The following FRMPD4 variants were observed in gnomAD, a reference collection of about 807,000 sequenced individuals.
FRMPD4 encodes the protein FERM and PDZ domain-containing protein 4.
Under a neutral mutation model 94.1 loss-of-function variants are expected in FRMPD4, and 22 were observed. The ratio of observed to expected loss-of-function variants is 0.23; its 90% CI spans 0.17 to 0.33. The LOEUF (loss-of-function observed/expected upper bound fraction) is 0.33, where lower values mean the gene tolerates loss of function less well. FRMPD4 is among the 10% of genes least tolerant of loss of function. The pLI is 1.00. For missense variants in FRMPD4, 1,111 were observed against 1,339.9 expected (o/e 0.83, Z 2.67); for synonymous variants, 631 against 548.6 (o/e 1.15, Z -2.10).
rs201869535 is a variant in FRMPD4 at position 12,707,579 on chromosome X, C to T, written c.1398C>T (p.His466=). 4.8e-4 allele frequency: 577 copies of T among 1,209,373 alleles called. No homozygotes were observed. Among genetic ancestry groups the T allele is most frequent in the Non-Finnish European group, 6.1e-4 (547 of 894,197 alleles). ...TGGCTCTTTTAGCCGACTTTAGCCA[C>T]GTCAACAGGATCGAAATGTTTTCCG... is the stretch of plus-strand genomic sequence containing the variant. ...NLVALLADFS[H]VNRIEMFSEE... is the part of the protein sequence containing the mutation. Residue 466 remains histidine (H), a synonymous_variant, in exon 13 of 17, where the codon CAC becomes CAT. Coordinates refer to ENST00000675598, the MANE Select transcript of FRMPD4 (RefSeq NM_001368397.1).
intron 2 of FRMPD4, among the ~76,000 whole-genome samples, chrX:12,534,774 T>G (rs1569320367): frequency 8.9e-6 from 1 of 112,674 alleles, no homozygotes; most frequent in Admixed American, 9.3e-5. Flanking sequence ...ACCTAGGAAG[T>G]AACTAACTTC....
chrX:12,437,356 A>G (rs2148116091), intron 1 of FRMPD4, among the ~76,000 whole-genome samples: 1 of 110,982 alleles, frequency 9.0e-6, no homozygotes. Context: ...ACACACACAC[A>G]CTTTTTCCAG....
chrX:12,292,444 C>T (rs1248612088), intron 1 of FRMPD4, among the ~76,000 whole-genome samples: 1 of 110,799 alleles, frequency 9.0e-6, no homozygotes, highest in African/African-American at 3.3e-5. Context: ...GAATTCAGTG[C>T]CTCACCCTTA....
chrX:12,489,456 T>C (rs1157739161), intron 1 of FRMPD4, among the ~76,000 whole-genome samples: 1 of 112,427 alleles, frequency 8.9e-6, no homozygotes, highest in Admixed American at 9.4e-5. Context: ...TGAGTAGCAG[T>C]ATTAGGTTAT....
intron 1 of FRMPD4, among the ~76,000 whole-genome samples, chrX:12,399,763 G>A (rs1298770597): frequency 2.7e-5 from 3 of 111,759 alleles, no homozygotes; most frequent in Admixed American, 9.5e-5. Flanking sequence ...TGGTCTGGCT[G>A]TCTCAGGGGT....
intron 3 of FRMPD4, among the ~76,000 whole-genome samples, chrX:11,930,530 G>A (rs1282527700): frequency 9.0e-6 from 1 of 111,351 alleles, no homozygotes; most frequent in Non-Finnish European, 1.9e-5. Flanking sequence ...CAAGCTGAAA[G>A]AGGCAAGGAA....
chrX:12,677,406 G>GA (rs1213030647), intron 5 of FRMPD4, among the ~76,000 whole-genome samples: 4 of 109,491 alleles, frequency 3.7e-5, no homozygotes, highest in African/African-American at 6.7e-5. Context: ...GAGCAGATGG[G>GA]AAAAAACAAG....
At chrX:12,282,300 G>A (rs2054537949) in intron 1 of FRMPD4, among the ~76,000 whole-genome samples, 1 of 112,184 alleles carries the variant, frequency 8.9e-6, no homozygotes, top group East Asian at 2.8e-4. Flanking sequence ...AGGGCAGGGA[G>A]CCAGCCCCAG....
At chrX:11,978,000 A>G (rs1025421262) in intron 3 of FRMPD4, among the ~76,000 whole-genome samples, 2 of 109,690 alleles carry the variant, frequency 1.8e-5, no homozygotes, top group Non-Finnish European at 3.8e-5. Flanking sequence ...ACTTCCCATC[A>G]TGGCCTGAAC....
At chrX:12,340,772 C>T (rs1159519497) in intron 1 of FRMPD4, among the ~76,000 whole-genome samples, 1 of 111,952 alleles carries the variant, frequency 8.9e-6, no homozygotes, top group Non-Finnish European at 1.9e-5. Context: ...TCCAAACTTT[C>T]CTTACCTTTG....
intron 1 of FRMPD4, among the ~76,000 whole-genome samples, chrX:11,825,231 TG>T (rs2053435738): frequency 2.9e-5 from 3 of 105,034 alleles, no homozygotes; most frequent in African/African-American, 1.1e-4. Context: ...TGTGTGTGTG[TG>T]TGTGTGGTCT....
chrX:12,189,904 T>G (rs1405662718), intron 1 of FRMPD4, among the ~76,000 whole-genome samples: 2 of 111,376 alleles, frequency 1.8e-5, no homozygotes, highest in African/African-American at 6.5e-5. Context: ...AGAAAAGGTA[T>G]ACAAATTGGG....
intron 1 of FRMPD4, among the ~76,000 whole-genome samples, chrX:12,208,465 GA>G (rs202094769): frequency 0.18 from 18,834 of 103,392 alleles, 1,536 homozygotes; most frequent in East Asian, 0.48. Context: ...ACTGCACCCT[GA>G]AAAAAAAAAA....
In FRMPD4 at chrX:12,262,690, A is replaced by C. The variant is rs762572693; in HGVS notation, c.41+123678A>C. Among the ~76,000 whole-genome samples, 7 of 112,012 alleles carry C rather than the reference A, an allele frequency of 6.2e-5. No homozygotes were observed. The South Asian group carries it at 1.9e-3, about 30-fold the overall frequency. On this transcript the variant is annotated intron_variant, in intron 1 of 16. Coordinates refer to ENST00000675598, the MANE Select transcript of FRMPD4 (RefSeq NM_001368397.1). Reference sequence around the variant, plus strand: ...ATTGTTGATGGTACCGATAGAAACCAGTGGGCTTCAAATTGCAGCTATGTC... The same window carrying C: ...ATTGTTGATGGTACCGATAGAAACCCGTGGGCTTCAAATTGCAGCTATGTC...
At chrX:12,373,233 A>G (rs1297331772) in intron 1 of FRMPD4, 5 of 112,401 alleles carry the variant, frequency 4.4e-5, no homozygotes, top group Non-Finnish European at 9.4e-5. Flanking sequence ...GTTCTAACCG[A>G]CTTCTTAGTG....
At chrX:11,857,808 A>G (rs1463805089) in intron 1 of FRMPD4, among the ~76,000 whole-genome samples, 3 of 112,871 alleles carry the variant, frequency 2.7e-5, no homozygotes, top group African/African-American at 9.6e-5. Flanking sequence ...CAAACTATGC[A>G]TTTGACGAAG....
At chrX:11,954,626 G>T (rs1054174425) in intron 3 of FRMPD4, among the ~76,000 whole-genome samples, 6 of 111,821 alleles carry the variant, frequency 5.4e-5, no homozygotes, top group African/African-American at 2.0e-4. Context: ...CATTTTTTTA[G>T]TGCTGTGGTA....
chrX:12,395,967 T>A, intron 1 of FRMPD4: 1 of 167,424 alleles, frequency 6.0e-6, no homozygotes, highest in Admixed American at 5.8e-5. Context: ...ACCCTCAAGT[T>A]CGATGCTATT....
At chrX:12,629,107 A>G (rs5979697) in intron 4 of FRMPD4, among the ~76,000 whole-genome samples, 2,693 of 112,175 alleles carry the variant, frequency 0.024, 86 homozygotes, top group African/African-American at 0.081. Context: ...CCCACAACAC[A>G]TGGGAATTAT....
Sources: gnomAD v4.1 joint callset for allele counts (sites outside exome capture counted in the v4.1 genomes callset) on GRCh38, gnomAD v4.1.1 for gene constraint, MANE v1.5 for transcripts, NCBI Gene and HGNC (gene_info 2026-07-23, HGNC 2026-07-21) for gene names.